Variants in CD163L1 observed in about 807,000 individuals in gnomAD.
CD163L1 encodes CD163 molecule like 1.
A neutral mutation model predicts 165.4 loss-of-function variants in CD163L1; 124 were observed. The ratio of observed to expected loss-of-function variants is 0.75; its 90% CI spans 0.65 to 0.87. The LOEUF (loss-of-function observed/expected upper bound fraction) is 0.87, where lower values mean the gene tolerates loss of function less well. CD163L1 is among the 40% of genes least tolerant of loss of function. CD163L1 has a pLI of 0.00. For synonymous variants in CD163L1, 585 were observed against 662.2 expected (o/e 0.88, Z 1.79); for missense variants, 1,525 against 1,799.9 (o/e 0.85, Z 2.76).
intron 8 of CD163L1, among the ~76,000 whole-genome samples, chr12:7,391,644 A>C (rs1947655888): frequency 6.6e-6 from 1 of 152,022 alleles, no homozygotes. Flanking sequence ...TTGGATAAAG[A>C]CTCAAGACCC....
At chr12:7,424,350 G>A (rs923421175) in intron 4 of CD163L1, among the ~76,000 whole-genome samples, 1 of 151,402 alleles carries the variant, frequency 6.6e-6, no homozygotes, top group Non-Finnish European at 1.5e-5. Flanking sequence ...AATAATAAGA[G>A]CTATTTATGA....
chr12:7,406,220 G>A (rs992694867), intron 5 of CD163L1, among the ~76,000 whole-genome samples: 1 of 152,166 alleles, frequency 6.6e-6, no homozygotes, highest in African/African-American at 2.4e-5. Flanking sequence ...TATAAGCCAT[G>A]CACTTGTATA....
At chr12:7,353,295 A>G (rs1946720847), downstream of CD163L1, among the ~76,000 whole-genome samples, 1 of 152,094 alleles carries the variant, frequency 6.6e-6, no homozygotes, top group Admixed American at 6.6e-5. Context: ...AATACTGCAG[A>G]AAAAGTAACA....
rs749734870 is a variant in CD163L1, at chr12:7,396,203, C to G, written c.1942G>C (p.Asp648His). 114 of 1,614,022 alleles carry G rather than the reference C, an allele frequency of 7.1e-5. No homozygotes were observed. Among genetic ancestry groups the G allele is most frequent in the Non-Finnish European group, 9.7e-5 (114 of 1,180,028 alleles). The change falls in exon 8 of 20, where the codon GAT becomes CAT. Residue 648 changes from aspartate (D) to histidine (H), a missense_variant. Asp to His is a moderately conservative substitution (Grantham distance 81). Coordinates refer to ENST00000313599, the MANE Select transcript of CD163L1 (RefSeq NM_174941.6). The stretch of plus-strand genomic sequence containing the variant: ...TCATCTCCATCACAGGAAACATCAT[C>G]GAGCCAAATTTTTCCATATCCTGTA... ...ASTGYGKIWL[D>H]DVSCDGDESD... is the part of the protein sequence containing the mutation.
intron 8 of CD163L1, among the ~76,000 whole-genome samples, chr12:7,387,188 C>T (rs775536126): frequency 6.6e-6 from 1 of 152,024 alleles, no homozygotes; most frequent in South Asian, 2.1e-4. Context: ...TAACAAACTA[C>T]TGAGAAAGAC....
At chr12:7,320,590 T>C in the CD163L1 span, 1 of 653,768 alleles carries the variant, frequency 1.5e-6, no homozygotes, top group Non-Finnish European at 2.7e-6. Flanking sequence ...GTAATAAATA[T>C]TGTTTTCTTA....
At position 7,398,404 on chromosome 12, in the gene CD163L1, T is replaced by G; in HGVS notation, c.1589A>C (p.Tyr530Ser). Residue 530 changes from tyrosine to serine, a missense_variant, in exon 7 of 20, where the codon TAT becomes TCT. Transcript: ENST00000313599. The surrounding 1 kb of genome is among the most constrained non-coding windows in gnomAD (Gnocchi z 4.5). ...GKPLHVFGMT[Y>S]FKEASGPIWL... ...AATAGGTCCTGATGCTTCTTTAAAA[T>G]AGGTCATACCAAACACATGCAAAGG... 3 of 1,614,152 alleles carry G rather than the reference T, an allele frequency of 1.9e-6. No individual in the cohort carries two copies. The highest frequency in any genetic ancestry group is 2.5e-6 in the Non-Finnish European group (3 of 1,180,016).
intron 2 of CD163L1, chr12:7,438,942 C>T (rs1447215760): frequency 4.4e-6 from 7 of 1,606,578 alleles, no homozygotes; most frequent in African/African-American, 1.3e-5. Context: ...TCTAAGAATG[C>T]GTTCTTGTTC....
intron 8 of CD163L1, among the ~76,000 whole-genome samples, chr12:7,380,365 G>GTATACATACATGTATGTGTGTATACGCA (rs1565784279): frequency 2.1e-5 from 3 of 145,274 alleles, no homozygotes; most frequent in African/African-American, 5.5e-5. Flanking sequence ...GTGTATACGC[G>GTATACATACATGTATGTGTGTATACGCA]TATACATACA....
exon 5 of CD163L1, chr12:7,346,935 G>A (rs1946674680): frequency 1.3e-5 from 2 of 152,202 alleles, no homozygotes; most frequent in South Asian, 4.1e-4. Flanking sequence ...GTCATTTAGG[G>A]AGAACATAAA....
intron 18 of CD163L1, 135 bp downstream of exon 18, chr12:7,367,101 C>T (rs1016330947): frequency 2.9e-5 from 13 of 442,952 alleles, no homozygotes; most frequent in Admixed American, 1.1e-4. Context: ...ATCTATTCCC[C>T]GTTTGTTTCC....
At chr12:7,354,387 T>C (rs1383453337), downstream of CD163L1, among the ~76,000 whole-genome samples, 1 of 152,128 alleles carries the variant, frequency 6.6e-6, no homozygotes, top group East Asian at 1.9e-4. Flanking sequence ...AAAGCTGTCA[T>C]GAATAAATCT....
At chr12:7,389,666 T>C (rs905123383) in intron 8 of CD163L1, among the ~76,000 whole-genome samples, 2 of 151,924 alleles carry the variant, frequency 1.3e-5, no homozygotes, top group Admixed American at 6.6e-5. Flanking sequence ...AAGAATGTAA[T>C]TGGATTGCTT....
intron 2 of CD163L1, among the ~76,000 whole-genome samples, chr12:7,438,520 T>C (rs1440132081): frequency 1.3e-5 from 2 of 152,170 alleles, no homozygotes; most frequent in Non-Finnish European, 2.9e-5. Context: ...CAATGCTCCA[T>C]ATATCATCTG....
At chr12:7,381,529 T>C (rs747253579) in intron 8 of CD163L1, among the ~76,000 whole-genome samples, 1 of 152,200 alleles carries the variant, frequency 6.6e-6, no homozygotes. Flanking sequence ...ACAGGGTTTG[T>C]GAAACATGAG....
At chr12:7,351,243 G>A (rs2035677607), downstream of CD163L1, among the ~76,000 whole-genome samples, 1 of 152,096 alleles carries the variant, frequency 6.6e-6, no homozygotes, top group African/African-American at 2.4e-5. Context: ...GCATGTGTAT[G>A]TATGTCTATT....
At chr12:7,402,837 T>C (rs931927157) in intron 6 of CD163L1, among the ~76,000 whole-genome samples, 1 of 152,058 alleles carries the variant, frequency 6.6e-6, no homozygotes, top group African/African-American at 2.4e-5. Context: ...TCTTGCTATA[T>C]TACCCAAGTT....
At position 7,398,437 on chromosome 12, in the gene CD163L1, C is replaced by T; in HGVS notation, c.1556G>A (p.Cys519Tyr). The T allele has an allele frequency of 1.2e-6, 2 of 1,614,112 alleles. No individual in the cohort carries two copies. The highest frequency in any genetic ancestry group is 1.7e-6 in the Non-Finnish European group (2 of 1,180,008). The change falls in exon 7 of 20, where the codon TGT becomes TAT. Residue 519 changes from cysteine to tyrosine, a missense_variant. Transcript: ENST00000313599. The surrounding 1 kb of genome is among the most constrained non-coding windows in gnomAD (Gnocchi z 4.5). ...NAAVVCKQLG[C>Y]GKPLHVFGMT... ...ACCAAACACATGCAAAGGCTTTCCACATCCCAATTGTTTACAAACAACAGC... is the reference window on the plus strand; with the variant it reads ...ACCAAACACATGCAAAGGCTTTCCATATCCCAATTGTTTACAAACAACAGC...
Position 7,375,813 on chromosome 12 carries a change from C to T in CD163L1, c.2573G>A (p.Trp858Ter). The T allele has an allele frequency of 6.2e-7, 1 of 1,614,214 alleles. No homozygotes were observed. Among genetic ancestry groups the T allele is most frequent in the Non-Finnish European group, 8.5e-7 (1 of 1,180,040 alleles). ...DHFGKGNGLTWAEKFQCEGSE... is the reference protein window; with the variant it reads ...DHFGKGNGLT ...CCCTTCACACTGGAACTTTTCGGCC[C>T]AAGTTAGACCATTCCCTTTTCCAAA... The change falls in exon 10 of 20, where the codon TGG becomes TAG. Residue 858 changes from tryptophan (W) to a stop codon, truncating the protein, a stop_gained. Coordinates refer to ENST00000313599, the MANE Select transcript of CD163L1 (RefSeq NM_174941.6). LOFTEE classifies it high-confidence loss of function.
Sources: gnomAD v4.1 joint callset for allele counts (sites outside exome capture counted in the v4.1 genomes callset) on GRCh38, gnomAD v4.1.1 for gene constraint, Gnocchi (gnomAD v3.1) non-coding constraint, MANE v1.5 for transcripts, NCBI Gene and HGNC (gene_info 2026-07-23, HGNC 2026-07-21) for gene names.